The following ATP9B variants were observed in gnomAD, a reference collection of about 807,000 sequenced individuals.
ATP9B encodes ATPase phospholipid transporting 9B, also known as probable phospholipid-transporting ATPase IIB.
In ATP9B, 110 loss-of-function variants were observed where a neutral mutation model predicts 146.1. The ratio of observed to expected loss-of-function variants is 0.75; its 90% CI spans 0.65 to 0.88. The LOEUF is 0.88. ATP9B is among the 40% of genes least tolerant of loss of function. The probability of loss-of-function intolerance (pLI) is 0.00; values close to 1 mark genes in which losing one functional copy is unlikely to be tolerated. For synonymous variants in ATP9B, 604 were observed against 569.7 expected (o/e 1.06, Z -0.86); for missense variants, 1,499 against 1,496.4 (o/e 1.00, Z -0.03).
intron 11 of ATP9B, among the ~76,000 whole-genome samples, chr18:79,245,551 G>GGGCACCACCCTACTGACTGTGCA (rs1555785607): frequency 6.8e-6 from 1 of 147,172 alleles, no homozygotes; most frequent in African/African-American, 2.5e-5. Context: ...TACTGACTGA[G>GGGCACCACCCTACTGACTGTGCA]GAGGGCACCG....
At chr18:79,298,650 A>C (rs2096569359) in intron 13 of ATP9B, among the ~76,000 whole-genome samples, 1 of 147,200 alleles carries the variant, frequency 6.8e-6, no homozygotes, top group Non-Finnish European at 1.5e-5. Context: ...CAAAGAAGAA[A>C]GTTGAAGGAC....
At chr18:79,331,947 G>T (rs1446493267) in intron 17 of ATP9B, among the ~76,000 whole-genome samples, 1 of 152,162 alleles carries the variant, frequency 6.6e-6, no homozygotes, top group Non-Finnish European at 1.5e-5. Context: ...AGGGCCAGGG[G>T]CTCCAAACCC....
chr18:79,222,231 C>T (rs143176055), intron 11 of ATP9B, among the ~76,000 whole-genome samples: 2,544 of 152,078 alleles, frequency 0.017, 73 homozygotes, highest in African/African-American at 0.059. Context: ...TGGTGGCAGG[C>T]GCCTGTAAAC....
At chr18:79,359,048 A>G (rs2096971080) in intron 25 of ATP9B, among the ~76,000 whole-genome samples, 3 of 152,238 alleles carry the variant, frequency 2.0e-5, no homozygotes, top group Non-Finnish European at 1.5e-5. Flanking sequence ...TAAAGATCAC[A>G]TAAGATCTCG....
Position 79,223,636 on chromosome 18 carries a change from C to A in ATP9B, c.1107+9598C>A, listed in dbSNP as rs544786865. Among the ~76,000 whole-genome samples the A allele has an allele frequency of 9.8e-5, 15 of 152,298 alleles. No homozygotes were observed. In the East Asian group the frequency reaches 2.3e-3, roughly 23 times the overall value. On this transcript the variant is annotated intron_variant, in intron 11 of 29. Coordinates refer to ENST00000426216, the MANE Select transcript of ATP9B (RefSeq NM_198531.5). ...AAAACAAACCCACCATGACATAATT[C>A]TGTAGCTTCTAGACTAGACCCAGGG...
At chr18:79,135,918 C>T (rs66798245) in intron 5 of ATP9B, among the ~76,000 whole-genome samples, 37,927 of 151,874 alleles carry the variant, frequency 0.25, 5,065 homozygotes, top group East Asian at 0.5. Context: ...TACTGCATTG[C>T]CTTTAAACTC....
chr18:79,377,273 T>C lies in ATP9B; in HGVS notation c.3334T>C (p.Phe1112Leu), dbSNP rs1256277431. The change falls in exon 30 of 30, where the codon TTC (phenylalanine) becomes CTC (leucine). Residue 1112 changes from phenylalanine to leucine, a missense_variant. Coordinates refer to ENST00000426216, the MANE Select transcript of ATP9B (RefSeq NM_198531.5). Reference sequence around the variant, plus strand: ...TGTTGCCTTTATCACCACCGTGACCTTCCTGTGGAAAGTGTCGGCGATCAC... The same window carrying C: ...TGTTGCCTTTATCACCACCGTGACCCTCCTGTGGAAAGTGTCGGCGATCAC... ...LDVAFITTVT[F>L]LWKVSAITVV... The C allele has an allele frequency of 1.9e-6, 3 of 1,612,402 alleles. No individual in the cohort carries two copies. The African/African-American group carries it at 4.0e-5, about 22-fold the overall frequency.
intron 19 of ATP9B, chr18:79,340,126 T>C (rs1233024018): frequency 6.6e-6 from 1 of 152,176 alleles, no homozygotes; most frequent in Non-Finnish European, 1.5e-5. Flanking sequence ...GACCCCTGCA[T>C]TTCACTGTAA....
chr18:79,250,625 T>G (rs1192381829), intron 11 of ATP9B, among the ~76,000 whole-genome samples: 2 of 152,200 alleles, frequency 1.3e-5, no homozygotes, highest in African/African-American at 2.4e-5. Flanking sequence ...GCATAAACTA[T>G]GTAGTAGTTG....
At chr18:79,337,524 T>C in intron 19 of ATP9B, 75 bp downstream of exon 19, 17 of 1,538,656 alleles carry the variant, frequency 1.1e-5, no homozygotes, top group Non-Finnish European at 1.5e-5. Flanking sequence ...GGCATGGTGA[T>C]TTGTGAAACT....
chr18:79,177,326 C>T (rs988949922), intron 8 of ATP9B, among the ~76,000 whole-genome samples: 11 of 152,146 alleles, frequency 7.2e-5, no homozygotes, highest in Non-Finnish European at 1.6e-4. Flanking sequence ...GCCTCAAACG[C>T]CTGGGCTCAA....
chr18:79,283,604 T>C (rs2096402443), intron 13 of ATP9B, among the ~76,000 whole-genome samples: 1 of 152,212 alleles, frequency 6.6e-6, no homozygotes, highest in Admixed American at 6.5e-5. Flanking sequence ...AGTGCACATT[T>C]CCGGTAAGAT....
chr18:79,342,283 G>A lies in ATP9B; in HGVS notation c.2299G>A (p.Gly767Ser). 6.2e-7 allele frequency: 1 copy of A among 1,613,178 alleles called. No individual in the cohort carries two copies. Among genetic ancestry groups the A allele is most frequent in the Non-Finnish European group, 8.5e-7 (1 of 1,179,388 alleles). The change falls in exon 20 of 30, where the codon GGC becomes AGC. Residue 767 changes from glycine to serine, a missense_variant. By Grantham distance (56) the Gly-to-Ser change is moderately conservative. Transcript: ENST00000426216. ...NAGIKIWMLT[G>S]DKLETATCIA... ...TGTTCCCTAGATATGGATGCTAACA[G>A]GCGATAAACTCGAGACAGCTACCTG...
At chr18:79,238,292 G>A (rs527832755) in intron 11 of ATP9B, among the ~76,000 whole-genome samples, 44 of 148,116 alleles carry the variant, frequency 3.0e-4, no homozygotes, top group South Asian at 1.1e-3. Flanking sequence ...CAATAATCTC[G>A]TGACTGCTGT....
intron 7 of ATP9B, among the ~76,000 whole-genome samples, chr18:79,163,985 C>T (rs2094925443): frequency 6.6e-6 from 1 of 151,908 alleles, no homozygotes; most frequent in African/African-American, 2.4e-5. Context: ...GTGGCTTAAT[C>T]ATAGCTCACT....
intron 13 of ATP9B, among the ~76,000 whole-genome samples, chr18:79,294,870 A>C (rs997649140): frequency 1.3e-5 from 2 of 152,200 alleles, no homozygotes; most frequent in African/African-American, 4.8e-5. Context: ...ATGTTGCCAA[A>C]AAGGAGCGAT....
At chr18:79,151,162 T>G (rs1382058437) in intron 6 of ATP9B, among the ~76,000 whole-genome samples, 2 of 152,188 alleles carry the variant, frequency 1.3e-5, no homozygotes, top group African/African-American at 4.8e-5. Context: ...ATGGACAAAC[T>G]TTGAATACTC....
chr18:79,109,117 A>C (rs2075839761), intron 2 of ATP9B, among the ~76,000 whole-genome samples: 1 of 152,172 alleles, frequency 6.6e-6, no homozygotes, highest in Non-Finnish European at 1.5e-5. Context: ...CTTTGTCACA[A>C]ACATGAAGAA....
At chr18:79,280,822 G>C (rs1025495586) in intron 13 of ATP9B, among the ~76,000 whole-genome samples, 5 of 152,026 alleles carry the variant, frequency 3.3e-5, no homozygotes, top group African/African-American at 1.2e-4. Context: ...TAATAACAAA[G>C]AAATAAGTTC....
Sources: gnomAD v4.1 joint callset for allele counts (sites outside exome capture counted in the v4.1 genomes callset) on GRCh38, gnomAD v4.1.1 for gene constraint, MANE v1.5 for transcripts, NCBI Gene and HGNC (gene_info 2026-07-23, HGNC 2026-07-21) for gene names.